NDST4: variants seen among roughly 807,000 people sequenced by gnomAD.
NDST4 encodes N-deacetylase and N-sulfotransferase 4.
NDST4 carries 63 observed loss-of-function variants against 100.8 expected under a neutral mutation model. The ratio of observed to expected loss-of-function variants is 0.62; its 90% confidence interval spans 0.51 to 0.77. The LOEUF (loss-of-function observed/expected upper bound fraction) is 0.77, where lower values mean the gene tolerates loss of function less well. Ranked by LOEUF, NDST4 falls within the 30% of genes least tolerant of loss-of-function variation. NDST4 has a pLI of 0.00. For missense variants in NDST4, 943 were observed against 1,018.4 expected (o/e 0.93, Z 1.01); for synonymous variants, 377 against 361.8 (o/e 1.04, Z -0.48).
intron 3 of NDST4, among the ~76,000 whole-genome samples, chr4:114,974,907 C>T (rs1560838802): frequency 6.6e-6 from 1 of 152,092 alleles, no homozygotes; most frequent in Non-Finnish European, 1.5e-5. Flanking sequence ...AACAATGAGG[C>T]TCATCCATCA....
chr4:115,072,359 G>T (rs1472725850), intron 2 of NDST4, among the ~76,000 whole-genome samples: 4 of 151,806 alleles, frequency 2.6e-5, no homozygotes, highest in Non-Finnish European at 5.9e-5. Flanking sequence ...ATTTTTAAAA[G>T]ATATTAAAAT....
intron 4 of NDST4, among the ~76,000 whole-genome samples, chr4:114,957,340 G>A (rs1726162516): frequency 6.6e-6 from 1 of 152,222 alleles, no homozygotes; most frequent in South Asian, 2.1e-4. Flanking sequence ...GCAGGCAAGA[G>A]AGATTGTGTA....
chr4:114,986,832 A>ATATATATTTTTTTTT lies in NDST4; in HGVS notation c.979-9559_979-9558insAAAAAAAAATATATA. Among the ~76,000 whole-genome samples the ATATATATTTTTTTTT allele has an allele frequency of 3.1e-4, 29 of 94,648 alleles. 1 individual carries two copies. The highest frequency in any genetic ancestry group is 4.8e-4 in the Non-Finnish European group (22 of 46,224). 62.1% of individuals were successfully genotyped at this position (94,648 alleles called of 152,430 possible). A position where few individuals can be genotyped will look rare whatever the true frequency, so the allele number is the denominator to read the frequency against. On this transcript the variant is annotated intron_variant, in intron 2 of 13. Coordinates refer to ENST00000264363, the MANE Select transcript of NDST4 (RefSeq NM_022569.3). ...TATATATATATATATATATATATAT[A>ATATATATTTTTTTTT]TTTTAATATACTATTCCTATAAGCT...
chr4:114,929,124 CT>C (rs1256790627), intron 6 of NDST4, among the ~76,000 whole-genome samples: 24 of 148,920 alleles, frequency 1.6e-4, no homozygotes, highest in African/African-American at 4.0e-4. Flanking sequence ...ATCTATCTAT[CT>C]ATCTATCTAT....
chr4:114,908,125 A>G (rs1724990746), intron 6 of NDST4, among the ~76,000 whole-genome samples: 1 of 152,216 alleles, frequency 6.6e-6, no homozygotes, highest in Admixed American at 6.5e-5. Context: ...ATTACCAAAG[A>G]CACATTTTTA....
rs200463704 is a variant in NDST4, at chr4:114,839,484, C to T, written c.2180G>A (p.Gly727Glu). 389 of 1,613,828 alleles carry T rather than the reference C, an allele frequency of 2.4e-4. No individual in the cohort carries two copies. The highest frequency in any genetic ancestry group is 3.0e-4 in the Non-Finnish European group (355 of 1,179,928). ...RFNFYEVISTGHWAPSDLKTL... is the reference protein window; with the variant it reads ...RFNFYEVISTEHWAPSDLKTL... Reference sequence around the variant, plus strand: ...TTTTAAGTCAGATGGAGCCCAATGTCCTGTTGAAATAACTTCATAGAAATT... The same window carrying T: ...TTTTAAGTCAGATGGAGCCCAATGTTCTGTTGAAATAACTTCATAGAAATT... The change falls in exon 11 of 14, where the codon GGA becomes GAA. Residue 727 changes from glycine (G) to glutamate (E), a missense_variant. Gly to Glu is a moderately conservative substitution (Grantham distance 98, BLOSUM62 -2). Around this residue, in one of 2 missense-constraint regions of NDST4, gnomAD observed 526 missense variants for 634.1 expected, o/e 0.83. Coordinates refer to ENST00000264363, the MANE Select transcript of NDST4 (RefSeq NM_022569.3).
intron 6 of NDST4, among the ~76,000 whole-genome samples, chr4:114,915,525 T>A (rs1319190475): frequency 6.6e-6 from 1 of 152,196 alleles, no homozygotes; most frequent in African/African-American, 2.4e-5. Context: ...TGAAAAGTTG[T>A]TTTTATTGGG....
In NDST4 at chr4:115,026,456, T is replaced by C. The variant is rs534708700; in HGVS notation, c.979-49182A>G. On this transcript the variant is annotated intron_variant, in intron 2 of 13. Transcript: ENST00000264363. ...ACACACACACACACACACACACACATATACACATACGTTGTGATTTCTGTG... is the reference window on the plus strand; with the variant it reads ...ACACACACACACACACACACACACACATACACATACGTTGTGATTTCTGTG... Among the ~76,000 whole-genome samples the C allele has an allele frequency of 4.0e-4, 58 of 144,424 alleles. No individual in the cohort carries two copies. The East Asian group carries it at 5.2e-3, about 13-fold the overall frequency. 94.7% of individuals were successfully genotyped at this position (144,424 alleles called of 152,430 possible).
intron 7 of NDST4, among the ~76,000 whole-genome samples, chr4:114,859,212 T>A (rs1050050564): frequency 6.6e-6 from 1 of 152,138 alleles, no homozygotes; most frequent in African/African-American, 2.4e-5. Context: ...AGACAAACTA[T>A]CACTGCTGCT....
At chr4:114,902,729 T>C (rs1724871529) in intron 6 of NDST4, among the ~76,000 whole-genome samples, 1 of 152,024 alleles carries the variant, frequency 6.6e-6, no homozygotes, top group African/African-American at 2.4e-5. Context: ...ATTTATTCCG[T>C]AGTTCTTGGA....
At chr4:114,993,877 A>G (rs1192974836) in intron 2 of NDST4, among the ~76,000 whole-genome samples, 1 of 151,976 alleles carries the variant, frequency 6.6e-6, no homozygotes, top group African/African-American at 2.4e-5. Context: ...CATACATTCC[A>G]TATCTTCTCT....
In NDST4 at chr4:114,937,319, A is replaced by C. The variant is rs199992854; in HGVS notation, c.1406T>G (p.Met469Arg). The C allele has an allele frequency of 1.9e-6, 3 of 1,614,142 alleles. No individual in the cohort carries two copies. In the African/African-American group the frequency reaches 4.0e-5, roughly 22 times the overall value. Residue 469 changes from methionine to arginine, a missense_variant and splice_region_variant, in exon 5 of 14, where the codon ATG becomes AGG. Physicochemically the swap from Met to Arg is moderately conservative, Grantham distance 91. Coordinates refer to ENST00000264363, the MANE Select transcript of NDST4 (RefSeq NM_022569.3). ...ATATACATGGCTCTCTGTGCTCACC[A>C]TGATGCTATTGTGAATGAAGCCCTT... ...YRKGFIHNSI[M>R]VLPRQTCGLF... is the part of the protein sequence containing the mutation.
At chr4:114,903,283 C>G (rs10030514) in intron 6 of NDST4, among the ~76,000 whole-genome samples, 36,955 of 151,932 alleles carry the variant, frequency 0.24, 7,217 homozygotes, top group African/African-American at 0.55. Flanking sequence ...AGATTCTCTG[C>G]CATATTTCAA....
chr4:114,980,005 T>C (rs192051628), intron 2 of NDST4, among the ~76,000 whole-genome samples: 2 of 151,600 alleles, frequency 1.3e-5, no homozygotes, highest in East Asian at 3.9e-4. Context: ...TGATTCAAAC[T>C]AAAAAAAATC....
intron 6 of NDST4, among the ~76,000 whole-genome samples, chr4:114,886,424 GA>G (rs1724479089): frequency 6.6e-6 from 1 of 152,088 alleles, no homozygotes; most frequent in Admixed American, 6.6e-5. Flanking sequence ...GACGGAGGCA[GA>G]AAACACTTTC....
chr4:114,937,224 G>A, intron 5 of NDST4, 94 bp downstream of exon 5: 1 of 1,278,892 alleles, frequency 7.8e-7, no homozygotes, highest in East Asian at 2.3e-5. Flanking sequence ...TGTAAAAGAG[G>A]TTCGAGGTTA....
At chr4:115,082,728 C>G (rs115293168) in intron 1 of NDST4, among the ~76,000 whole-genome samples, 1 of 152,062 alleles carries the variant, frequency 6.6e-6, no homozygotes, top group Non-Finnish European at 1.5e-5. Flanking sequence ...GGTTTAAGAA[C>G]GGAACTAAGA....
At chr4:115,052,887 G>A (rs1370472543) in intron 2 of NDST4, among the ~76,000 whole-genome samples, 6 of 151,904 alleles carry the variant, frequency 3.9e-5, no homozygotes, top group Non-Finnish European at 5.9e-5. Flanking sequence ...AGATATTTAC[G>A]AAAAAACAGT....
At chr4:114,927,162 A>G (rs962201706) in intron 6 of NDST4, among the ~76,000 whole-genome samples, 1 of 151,820 alleles carries the variant, frequency 6.6e-6, no homozygotes, top group African/African-American at 2.4e-5. Context: ...CGATCTTATA[A>G]TTATAGATTA....
Sources: gnomAD v4.1 joint callset for allele counts (sites outside exome capture counted in the v4.1 genomes callset) on GRCh38, gnomAD v4.1.1 for gene constraint, gnomAD v4.1.1 regional missense constraint, MANE v1.5 for transcripts, NCBI Gene and HGNC (gene_info 2026-07-23, HGNC 2026-07-21) for gene names.